Variants in FSTL4 observed in about 807,000 individuals in gnomAD.
FSTL4 encodes follistatin-related protein 4.
Under a neutral mutation model 78.2 loss-of-function variants are expected in FSTL4, and 28 were observed. The observed-to-expected ratio is 0.36, with a 90% confidence interval of 0.27 to 0.49. FSTL4 has a LOEUF of 0.49. FSTL4 is among the 20% of genes least tolerant of loss of function. The pLI, the probability that FSTL4 is intolerant of heterozygous loss-of-function variation, is 0.98. For missense variants in FSTL4, 922 were observed against 1,084.9 expected (o/e 0.85, Z 2.11); for synonymous variants, 422 against 440.5 (o/e 0.96, Z 0.53).
At chr5:133,355,994 G>C (rs1457258846) in intron 4 of FSTL4, among the ~76,000 whole-genome samples, 1 of 152,126 alleles carries the variant, frequency 6.6e-6, no homozygotes, top group Non-Finnish European at 1.5e-5. Flanking sequence ...AAGAGGAAGA[G>C]GCTCAAGGCC....
intron 4 of FSTL4, among the ~76,000 whole-genome samples, chr5:133,341,291 T>C (rs1580632754): frequency 8.0e-6 from 1 of 125,108 alleles, no homozygotes; most frequent in African/African-American, 3.1e-5. Context: ...AATTCAAACA[T>C]AAAAAATATG....
At chr5:133,714,966 C>T in the FSTL4 span, among the ~76,000 whole-genome samples, 71 of 152,390 alleles carry the variant, frequency 4.7e-4, no homozygotes, top group East Asian at 7.5e-3. Context: ...GTTTCCTCAT[C>T]TCTTCAGGAT....
intron 4 of FSTL4, among the ~76,000 whole-genome samples, chr5:133,329,332 A>G (rs1279677614): frequency 6.6e-6 from 1 of 152,090 alleles, no homozygotes; most frequent in Non-Finnish European, 1.5e-5. Flanking sequence ...TCCTGCACAA[A>G]AACTTCTGCT....
chr5:133,793,851 G>C, the FSTL4 span, among the ~76,000 whole-genome samples: 45 of 152,278 alleles, frequency 3.0e-4, no homozygotes, highest in Middle Eastern at 3.4e-3. Context: ...TCTGTATTCA[G>C]GTTTTAACTT....
the FSTL4 span, among the ~76,000 whole-genome samples, chr5:133,822,288 A>T: frequency 1.3e-5 from 2 of 152,118 alleles, no homozygotes; most frequent in Non-Finnish European, 2.9e-5. Flanking sequence ...GCTTCCGATT[A>T]ATTGTTAAGT....
the FSTL4 span, among the ~76,000 whole-genome samples, chr5:133,801,993 G>T: frequency 6.6e-6 from 1 of 151,764 alleles, no homozygotes; most frequent in Non-Finnish European, 1.5e-5. Flanking sequence ...AGCCTACTGT[G>T]CCCTTCTCAA....
intron 7 of FSTL4, among the ~76,000 whole-genome samples, chr5:133,242,274 C>T (rs1751897062): frequency 1.3e-5 from 2 of 152,196 alleles, no homozygotes; most frequent in Non-Finnish European, 2.9e-5. Flanking sequence ...CTCCCTTGTC[C>T]TTGCTTAGTG....
chr5:133,344,115 GAGAC>G (rs1357134547), intron 4 of FSTL4, among the ~76,000 whole-genome samples: 4 of 152,180 alleles, frequency 2.6e-5, no homozygotes, highest in Non-Finnish European at 5.9e-5. Context: ...TTATAGGCCT[GAGAC>G]AGCCTGTGAA....
chr5:133,217,526 C>A, intron 12 of FSTL4, 148 bp from the exon 13 acceptor site: 1 of 669,962 alleles, frequency 1.5e-6, no homozygotes, highest in Non-Finnish European at 2.5e-6. Context: ...CCAAGCCCTC[C>A]AACATCACTG....
chr5:133,567,885 T>C (rs1760062736), intron 2 of FSTL4, among the ~76,000 whole-genome samples: 1 of 152,212 alleles, frequency 6.6e-6, no homozygotes, highest in Non-Finnish European at 1.5e-5. Flanking sequence ...AGTACCTGCA[T>C]TGATATTCAC....
chr5:133,599,210 T>C (rs1372372924), intron 2 of FSTL4, among the ~76,000 whole-genome samples: 1 of 152,202 alleles, frequency 6.6e-6, no homozygotes, highest in Non-Finnish European at 1.5e-5. Context: ...TACTACTGAA[T>C]GCCCAGCCAA....
intron 3 of FSTL4, among the ~76,000 whole-genome samples, chr5:133,542,287 A>G (rs1759493390): frequency 6.6e-6 from 1 of 152,212 alleles, no homozygotes; most frequent in Admixed American, 6.5e-5. Context: ...GGTGAAATAC[A>G]TCAAGAGACT....
chr5:133,209,282 C>T (rs1319337503), intron 14 of FSTL4, among the ~76,000 whole-genome samples: 1 of 152,122 alleles, frequency 6.6e-6, no homozygotes, highest in Non-Finnish European at 1.5e-5. Context: ...TGGTCAGTCC[C>T]TAGAAGGAAG....
intron 6 of FSTL4, among the ~76,000 whole-genome samples, chr5:133,270,596 C>T (rs1325500191): frequency 6.6e-6 from 1 of 152,234 alleles, no homozygotes; most frequent in Non-Finnish European, 1.5e-5. Flanking sequence ...CTGATTGCTT[C>T]TCTCCTTGTT....
the FSTL4 span, among the ~76,000 whole-genome samples, chr5:133,733,535 T>G: frequency 2.0e-5 from 3 of 152,216 alleles, no homozygotes; most frequent in Admixed American, 2.0e-4. Flanking sequence ...TGACACTATA[T>G]GGAAGTTAAC....
chr5:133,247,162 C>G (rs1233495478), intron 7 of FSTL4: 1 of 152,030 alleles, frequency 6.6e-6, no homozygotes, highest in East Asian at 1.9e-4. Context: ...GTAGGGGGTT[C>G]TGAGAAGCAC....
chr5:133,306,369 G>A (rs1441831208), intron 6 of FSTL4, among the ~76,000 whole-genome samples: 1 of 152,220 alleles, frequency 6.6e-6, no homozygotes, highest in South Asian at 2.1e-4. Flanking sequence ...CCTGCCAGCC[G>A]ACCAGAGCAC....
chr5:133,497,640 C>G (rs1281274436), intron 3 of FSTL4, among the ~76,000 whole-genome samples: 2 of 152,142 alleles, frequency 1.3e-5, no homozygotes, highest in African/African-American at 4.8e-5. Context: ...TGACCTGGCA[C>G]TGGGGGATTG....
chr5:133,280,117 T>C (rs1447362754), intron 6 of FSTL4, among the ~76,000 whole-genome samples: 1 of 152,192 alleles, frequency 6.6e-6, no homozygotes, highest in Non-Finnish European at 1.5e-5. Flanking sequence ...AGCCACCATG[T>C]GATCATCTCT....
Sources: allele counts gnomAD v4.1 joint callset (sites outside exome capture counted in the v4.1 genomes callset), GRCh38; gene constraint gnomAD v4.1.1; transcripts MANE v1.5; gene names NCBI Gene and HGNC (gene_info 2026-07-23, HGNC 2026-07-21).